The following ADAMTSL3 variants were observed in gnomAD, a reference collection of about 807,000 sequenced individuals.
The protein encoded by ADAMTSL3 is ADAMTS-like protein 3.
In ADAMTSL3, 128 loss-of-function variants were observed where a neutral mutation model predicts 201.7. The ratio of observed to expected loss-of-function variants is 0.63; its 90% CI spans 0.55 to 0.73. ADAMTSL3 has a LOEUF of 0.73. Among genes scored for constraint, ADAMTSL3 ranks in the 30% least tolerant of loss-of-function variants. The pLI is 0.00. For synonymous variants in ADAMTSL3, 738 were observed against 748.4 expected, an observed-to-expected ratio of 0.99 and a Z score of 0.23; for missense variants, 1,990 against 2,119.6, an observed-to-expected ratio of 0.94 and a Z score of 1.20.
intron 17 of ADAMTSL3, among the ~76,000 whole-genome samples, chr15:83,933,959 A>G (rs1200657448): frequency 6.6e-6 from 1 of 152,158 alleles, no homozygotes; most frequent in Non-Finnish European, 1.5e-5. Context: ...AGTTTGCTGT[A>G]AGGGTGGAGC....
At chr15:83,939,007 A>G (rs2066508825) in intron 17 of ADAMTSL3, among the ~76,000 whole-genome samples, 1 of 152,172 alleles carries the variant, frequency 6.6e-6, no homozygotes, top group African/African-American at 2.4e-5. Flanking sequence ...ATCTGTTAAC[A>G]TTTACAAATG....
chr15:83,716,750 T>C (rs1001806650), intron 3 of ADAMTSL3, among the ~76,000 whole-genome samples: 4 of 152,156 alleles, frequency 2.6e-5, no homozygotes, highest in Admixed American at 1.3e-4. Flanking sequence ...GACTGTTCTT[T>C]GTTTTGGACC....
intron 2 of ADAMTSL3, among the ~76,000 whole-genome samples, chr15:83,673,305 A>G (rs74687436): frequency 1.4e-3 from 211 of 152,362 alleles, no homozygotes; most frequent in East Asian, 9.1e-3. Flanking sequence ...GCCACTGTTT[A>G]TTATAGTGTT....
intron 15 of ADAMTSL3, among the ~76,000 whole-genome samples, chr15:83,910,801 A>ATTT: frequency 7.2e-6 from 1 of 138,106 alleles, no homozygotes; most frequent in Non-Finnish European, 1.6e-5. Context: ...TGACTGGCTA[A>ATTT]TTTTTTTTTT....
intron 23 of ADAMTSL3, among the ~76,000 whole-genome samples, chr15:84,011,242 TAAACTC>T (rs1007298017): frequency 6.6e-6 from 1 of 152,204 alleles, no homozygotes; most frequent in Non-Finnish European, 1.5e-5. Flanking sequence ...AATTAAATGT[TAAACTC>T]AAAGACTGAG....
rs185235970 is a variant in ADAMTSL3 at position 83,672,746 on chromosome 15, T to C, written c.69+16916T>C. ...GAGCCTCGTTTCCAAAGAACAGGGA[T>C]AGGTGGGACATTTGCAACGTTGCTT... On this transcript the variant is annotated intron_variant, in intron 2 of 29. Transcript: ENST00000286744. Among the ~76,000 whole-genome samples the C allele has an allele frequency of 3.1e-4, 47 of 152,294 alleles. No homozygotes were observed. In the East Asian group the frequency reaches 5.2e-3, roughly 17 times the overall value.
chr15:83,776,685 C>T (rs1032631601), intron 4 of ADAMTSL3, among the ~76,000 whole-genome samples: 5 of 152,070 alleles, frequency 3.3e-5, no homozygotes, highest in Non-Finnish European at 7.4e-5. Context: ...CCATTGCACT[C>T]CAGCCTGGGC....
chr15:83,982,217 G>A, intron 20 of ADAMTSL3, 56 bp from the exon 21 acceptor site: 2 of 1,391,596 alleles, frequency 1.4e-6, no homozygotes, highest in South Asian at 1.4e-5. Flanking sequence ...CAAAAAGTCT[G>A]TATTTTTGAG....
intron 17 of ADAMTSL3, among the ~76,000 whole-genome samples, chr15:83,941,490 T>G (rs1043171149): frequency 1.4e-4 from 22 of 152,308 alleles, no homozygotes; most frequent in African/African-American, 4.6e-4. Context: ...TCAGATTTTT[T>G]TCTGCATGCA....
rs1444248666 is a variant in ADAMTSL3, at chr15:83,983,189, A to C, written c.3561A>C (p.Ser1187=). ...TCATGAGGCAAAGCCAACCTCCCTC[A>C]ATTTCATTTAATAAAACAATAAATT... ...PVLMRQSQPP[S]ISFNKTINSR... is the part of the protein sequence containing the mutation. The change falls in exon 21 of 30, where the codon TCA becomes TCC. Residue 1187 remains serine (S), a synonymous_variant. Transcript: ENST00000286744. 4.3e-6 allele frequency: 7 copies of C among 1,613,826 alleles called. No homozygotes were observed. Among genetic ancestry groups the C allele is most frequent in the Middle Eastern group, 1.6e-4 (1 of 6,082 alleles).
At chr15:83,836,589 A>G (rs2064273484) in intron 6 of ADAMTSL3, among the ~76,000 whole-genome samples, 1 of 152,236 alleles carries the variant, frequency 6.6e-6, no homozygotes, top group African/African-American at 2.4e-5. Context: ...AAGCTGAAGC[A>G]TGAGGGCTAC....
chr15:83,822,618 C>T (rs1307472189), intron 6 of ADAMTSL3, among the ~76,000 whole-genome samples: 1 of 151,402 alleles, frequency 6.6e-6, no homozygotes, highest in Admixed American at 6.6e-5. Flanking sequence ...AGAGACGCTC[C>T]TCACTTCCTA....
chr15:83,689,301 G>A (rs928080600), intron 2 of ADAMTSL3, among the ~76,000 whole-genome samples: 9 of 152,190 alleles, frequency 5.9e-5, no homozygotes, highest in African/African-American at 1.9e-4. Flanking sequence ...AAATGGAACA[G>A]TATCAATACC....
chr15:83,785,370 A>G (rs561771262), intron 4 of ADAMTSL3, among the ~76,000 whole-genome samples: 1 of 152,350 alleles, frequency 6.6e-6, no homozygotes, highest in Admixed American at 6.5e-5. Context: ...TAAACAGTGA[A>G]TGGCTTATTT....
chr15:83,974,429 C>T (rs545424278), intron 20 of ADAMTSL3, among the ~76,000 whole-genome samples: 1 of 152,244 alleles, frequency 6.6e-6, no homozygotes, highest in Admixed American at 6.5e-5. Flanking sequence ...ACACTAAAAG[C>T]TCAAAAATAT....
At chr15:83,878,207 A>G (rs560462456) in intron 9 of ADAMTSL3, among the ~76,000 whole-genome samples, 196 of 152,332 alleles carry the variant, frequency 1.3e-3, no homozygotes, top group African/African-American at 4.5e-3. Flanking sequence ...AGATGATCAC[A>G]TGGTTTTCTC....
intron 15 of ADAMTSL3, among the ~76,000 whole-genome samples, chr15:83,912,369 TC>T (rs1233780832): frequency 6.6e-6 from 1 of 152,224 alleles, no homozygotes; most frequent in Non-Finnish European, 1.5e-5. Flanking sequence ...TATCTTTTTT[TC>T]TGCCAACCAT....
chr15:83,708,990 T>C (rs2061895261), intron 3 of ADAMTSL3, among the ~76,000 whole-genome samples: 1 of 152,182 alleles, frequency 6.6e-6, no homozygotes, highest in Non-Finnish European at 1.5e-5. Context: ...CTCTGAGATA[T>C]ATCCAGGAGC....
intron 9 of ADAMTSL3, among the ~76,000 whole-genome samples, chr15:83,875,377 G>A: frequency 6.6e-6 from 1 of 152,226 alleles, no homozygotes; most frequent in East Asian, 1.9e-4. Flanking sequence ...CATCCCATGG[G>A]AAGCTTGACC....
Sources: gnomAD v4.1 joint callset for allele counts (sites outside exome capture counted in the v4.1 genomes callset) on GRCh38, gnomAD v4.1.1 for gene constraint, MANE v1.5 for transcripts, NCBI Gene and HGNC (gene_info 2026-07-23, HGNC 2026-07-21) for gene names.